Variants in CNTN5 observed in about 807,000 individuals in gnomAD.
CNTN5 encodes contactin 5.
A neutral mutation model predicts 129.1 loss-of-function variants in CNTN5; 77 were observed. That is an observed-to-expected ratio of 0.60 (90% CI 0.50 to 0.72). The LOEUF is 0.72. CNTN5 is among the 30% of genes least tolerant of loss of function. The pLI is 0.00. For missense variants in CNTN5, 1,478 were observed against 1,328.8 expected (o/e 1.11, Z -1.75); for synonymous variants, 509 against 465.6 (o/e 1.09, Z -1.20).
intron 6 of CNTN5, among the ~76,000 whole-genome samples, chr11:99,877,256 A>G (rs1291592499): frequency 6.6e-6 from 1 of 152,194 alleles, no homozygotes; most frequent in Non-Finnish European, 1.5e-5. Flanking sequence ...ACCCCGTAGG[A>G]TAAATAGTGG....
intron 8 of CNTN5, among the ~76,000 whole-genome samples, chr11:99,963,005 G>A (rs1950992527): frequency 6.6e-6 from 1 of 152,004 alleles, no homozygotes; most frequent in Non-Finnish European, 1.5e-5. Flanking sequence ...TGATGGGGTT[G>A]TTTGTTTATT....
At chr11:99,792,081 G>A (rs777553125) in intron 3 of CNTN5, among the ~76,000 whole-genome samples, 8 of 151,902 alleles carry the variant, frequency 5.3e-5, no homozygotes, top group Non-Finnish European at 1.2e-4. Context: ...GTCAGGATGC[G>A]TTTTTTATTT....
chr11:99,032,101 C>A (rs576098932), intron 1 of CNTN5, among the ~76,000 whole-genome samples: 6 of 152,046 alleles, frequency 3.9e-5, no homozygotes, highest in South Asian at 2.1e-4. Flanking sequence ...TGAACTCATC[C>A]TTTTTTATGG....
intron 3 of CNTN5, among the ~76,000 whole-genome samples, chr11:99,739,629 A>G (rs998055491): frequency 6.6e-6 from 1 of 152,112 alleles, no homozygotes; most frequent in Non-Finnish European, 1.5e-5. Flanking sequence ...GAGATGGGAG[A>G]AAAAACTAAA....
intron 13 of CNTN5, among the ~76,000 whole-genome samples, chr11:100,158,200 CACAA>C (rs527606773): frequency 3.7e-4 from 56 of 151,874 alleles, no homozygotes; most frequent in Admixed American, 1.1e-3. Context: ...TTTACAGTCA[CACAA>C]ACAAACCAAA....
intron 1 of CNTN5, among the ~76,000 whole-genome samples, chr11:99,247,259 A>T (rs1274806526): frequency 6.6e-6 from 1 of 152,114 alleles, no homozygotes; most frequent in African/African-American, 2.4e-5. Context: ...CCATTTAAAG[A>T]TATAATTTGT....
intron 2 of CNTN5, among the ~76,000 whole-genome samples, chr11:99,466,441 C>CG (rs1944946732): frequency 6.6e-6 from 1 of 152,046 alleles, no homozygotes; most frequent in South Asian, 2.1e-4. Context: ...ATTCTTTTTT[C>CG]AGAACCCCAT....
chr11:100,230,477 A>C (rs1182142132), intron 16 of CNTN5, among the ~76,000 whole-genome samples: 1 of 152,060 alleles, frequency 6.6e-6, no homozygotes, highest in Admixed American at 6.6e-5. Flanking sequence ...AAAAAGTAAC[A>C]TTTTTTTGTC....
intron 3 of CNTN5, among the ~76,000 whole-genome samples, chr11:99,581,637 C>A (rs1005571903): frequency 3.9e-5 from 6 of 152,074 alleles, no homozygotes; most frequent in East Asian, 1.9e-4. Flanking sequence ...CCGTTTTATC[C>A]GAGACTAGGA....
At chr11:100,166,724 G>A (rs1275182108) in intron 13 of CNTN5, among the ~76,000 whole-genome samples, 1 of 149,186 alleles carries the variant, frequency 6.7e-6, no homozygotes, top group Non-Finnish European at 1.5e-5. Flanking sequence ...TACTAGCTTT[G>A]TGTTAATGAC....
chr11:99,474,542 A>C (rs1421847179), intron 2 of CNTN5, among the ~76,000 whole-genome samples: 3 of 152,112 alleles, frequency 2.0e-5, no homozygotes, highest in Admixed American at 2.0e-4. Flanking sequence ...TTAAAATTTG[A>C]CAATTTATTT....
chr11:99,543,139 C>T lies in CNTN5; in HGVS notation c.-70-13006C>T, dbSNP rs373729501. ...AAACATCTGCAACTTTAGCTATTCC[C>T]TTTCCTGGGTGATAAAAATCTCAGT... On this transcript the variant is annotated intron_variant, in intron 2 of 24. Coordinates refer to ENST00000524871, the MANE Select transcript of CNTN5 (RefSeq NM_014361.4). Among the ~76,000 whole-genome samples, 27 of 152,244 alleles carry T rather than the reference C, an allele frequency of 1.8e-4. No individual in the cohort carries two copies. In the East Asian group the frequency reaches 2.9e-3, roughly 16 times the overall value.
At chr11:99,268,136 A>T (rs913415531) in intron 1 of CNTN5, among the ~76,000 whole-genome samples, 2 of 151,986 alleles carry the variant, frequency 1.3e-5, no homozygotes, top group African/African-American at 4.8e-5. Flanking sequence ...GAGCTCCATT[A>T]TCTCAACCAA....
intron 2 of CNTN5, among the ~76,000 whole-genome samples, chr11:99,545,103 G>T (rs1948247947): frequency 6.6e-6 from 1 of 152,132 alleles, no homozygotes; most frequent in Non-Finnish European, 1.5e-5. Context: ...TTTGTTGTTT[G>T]TTTGGCTTAT....
intron 8 of CNTN5, among the ~76,000 whole-genome samples, chr11:99,980,799 A>T (rs1938282091): frequency 6.6e-6 from 1 of 152,052 alleles, no homozygotes; most frequent in Non-Finnish European, 1.5e-5. Context: ...TATATTGCCA[A>T]GACAAAATTG....
intron 3 of CNTN5, among the ~76,000 whole-genome samples, chr11:99,718,654 A>G (rs1481862582): frequency 3.3e-5 from 5 of 152,178 alleles, no homozygotes; most frequent in African/African-American, 1.2e-4. Context: ...AGAACAGAAT[A>G]TGAGGATGGT....
At chr11:99,256,097 C>A (rs1862364761) in intron 1 of CNTN5, among the ~76,000 whole-genome samples, 1 of 151,992 alleles carries the variant, frequency 6.6e-6, no homozygotes, top group Non-Finnish European at 1.5e-5. Flanking sequence ...AATTAGAAAA[C>A]ATATTCAATA....
At chr11:99,941,018 G>A (rs1454230717) in intron 7 of CNTN5, among the ~76,000 whole-genome samples, 3 of 152,024 alleles carry the variant, frequency 2.0e-5, no homozygotes, top group Non-Finnish European at 4.4e-5. Context: ...AAAACATTGG[G>A]ACATAGAAAT....
rs554088743 is a variant in CNTN5, at chr11:99,687,809, T to C, written c.55+131540T>C. Among the ~76,000 whole-genome samples, 3 of 152,316 alleles carry C rather than the reference T, an allele frequency of 2.0e-5. No homozygotes were observed. The East Asian group carries it at 5.8e-4, about 29-fold the overall frequency. On this transcript the variant is annotated intron_variant, in intron 3 of 24. Coordinates refer to ENST00000524871, the MANE Select transcript of CNTN5 (RefSeq NM_014361.4). ...GGTAATATGTCTTGATGTAGCATAT[T>C]GTATTTCAACAAAAGTGAAAGTAGA... is the stretch of plus-strand genomic sequence containing the variant.
Sources: allele counts gnomAD v4.1 joint callset (sites outside exome capture counted in the v4.1 genomes callset), GRCh38; gene constraint gnomAD v4.1.1; transcripts MANE v1.5; gene names NCBI Gene and HGNC (gene_info 2026-07-23, HGNC 2026-07-21).